Variants in ITFG1 observed in about 807,000 individuals in gnomAD.
ITFG1 encodes the protein integrin alpha FG-GAP repeat containing 1, also known as T-cell immunomodulatory protein.
In ITFG1, 34 loss-of-function variants were observed where a neutral mutation model predicts 81.8. That is an observed-to-expected ratio of 0.42 (90% CI 0.32 to 0.55). The LOEUF (loss-of-function observed/expected upper bound fraction) is 0.55, where lower values mean the gene tolerates loss of function less well. ITFG1 is among the 20% of genes least tolerant of loss of function. The pLI is 0.17. For synonymous variants in ITFG1, 285 were observed against 270.6 expected (o/e 1.05, Z -0.52); for missense variants, 672 against 755.4 (o/e 0.89, Z 1.29).
At chr16:47,307,093 CAAAAAAAAAAAAAA>C (rs371103697) in intron 10 of ITFG1, among the ~76,000 whole-genome samples, 19 of 16,470 alleles carry the variant, frequency 1.2e-3, no homozygotes, top group Admixed American at 0.01. Flanking sequence ...AACTCCGTCT[CAAAAAAAAAAAAAA>C]AAAAAAAAAA....
chr16:47,306,552 A>T (rs973273042), intron 10 of ITFG1, among the ~76,000 whole-genome samples: 2 of 152,154 alleles, frequency 1.3e-5, no homozygotes, highest in Non-Finnish European at 2.9e-5. Context: ...AAAATATATG[A>T]CCTGAAGTCA....
intron 14 of ITFG1, among the ~76,000 whole-genome samples, chr16:47,201,446 A>T (rs975357265): frequency 6.6e-6 from 1 of 152,006 alleles, no homozygotes; most frequent in Admixed American, 6.6e-5. Context: ...TGACCTCGTG[A>T]TCCTCCTGCC....
chr16:47,417,544 C>T (rs1233731522), intron 6 of ITFG1, among the ~76,000 whole-genome samples: 1 of 152,098 alleles, frequency 6.6e-6, no homozygotes, highest in East Asian at 1.9e-4. Flanking sequence ...TTTTTCATCT[C>T]CCACTCTACA....
intron 5 of ITFG1, among the ~76,000 whole-genome samples, chr16:47,432,182 A>G (rs973705556): frequency 1.3e-5 from 2 of 152,214 alleles, no homozygotes; most frequent in Non-Finnish European, 2.9e-5. Flanking sequence ...AGCATTTCCT[A>G]TTCTTCTCTA....
intron 6 of ITFG1, among the ~76,000 whole-genome samples, chr16:47,381,691 G>C (rs1968398171): frequency 6.6e-6 from 1 of 152,080 alleles, no homozygotes; most frequent in African/African-American, 2.4e-5. Flanking sequence ...TAACAATGTA[G>C]AATAAAAATA....
intron 8 of ITFG1, among the ~76,000 whole-genome samples, chr16:47,319,169 A>G (rs1039571805): frequency 6.6e-6 from 1 of 152,208 alleles, no homozygotes; most frequent in Non-Finnish European, 1.5e-5. Context: ...ATGTTGATAC[A>G]CTTCATTATA....
At chr16:47,419,476 T>C (rs1014589622) in intron 6 of ITFG1, among the ~76,000 whole-genome samples, 1 of 152,134 alleles carries the variant, frequency 6.6e-6, no homozygotes, top group Non-Finnish European at 1.5e-5. Context: ...TTTGCCATGT[T>C]GCCCAGGCTG....
intron 2 of ITFG1, among the ~76,000 whole-genome samples, chr16:47,457,929 A>G (rs1209286238): frequency 6.6e-6 from 1 of 152,162 alleles, no homozygotes; most frequent in Non-Finnish European, 1.5e-5. Flanking sequence ...TCCATTTATA[A>G]CTTTCCCCTC....
chr16:47,260,720 C>T (rs1426688019), intron 10 of ITFG1, 25 bp from the exon 11 acceptor site: 5 of 1,613,154 alleles, frequency 3.1e-6, no homozygotes, highest in African/African-American at 2.7e-5. Flanking sequence ...AAAGGCATTT[C>T]GTTAATATAA....
At chr16:47,317,847 C>T (rs562498417) in intron 8 of ITFG1, 16 of 152,260 alleles carry the variant, frequency 1.1e-4, no homozygotes, top group African/African-American at 3.1e-4. Context: ...CTCTGTATCC[C>T]TTCCTTTTGA....
At chr16:47,351,420 GACAA>G (rs1377988348) in intron 8 of ITFG1, among the ~76,000 whole-genome samples, 3 of 152,108 alleles carry the variant, frequency 2.0e-5, no homozygotes, top group Non-Finnish European at 2.9e-5. Context: ...ACCAAAAACA[GACAA>G]ACAGAGAGTC....
intron 5 of ITFG1, among the ~76,000 whole-genome samples, chr16:47,434,815 T>C (rs1969144296): frequency 6.6e-6 from 1 of 152,140 alleles, no homozygotes; most frequent in South Asian, 2.1e-4. Flanking sequence ...GGTACATGTA[T>C]ACACCATGGA....
intron 6 of ITFG1, among the ~76,000 whole-genome samples, chr16:47,416,396 T>C (rs1212811250): frequency 1.3e-5 from 2 of 152,202 alleles, no homozygotes; most frequent in Non-Finnish European, 2.9e-5. Context: ...CATACATTAC[T>C]TGTTTTTTCT....
chr16:47,263,352 T>A, intron 10 of ITFG1: 1 of 479,286 alleles, frequency 2.1e-6, no homozygotes, highest in East Asian at 6.5e-5. Flanking sequence ...GCCCATGAGG[T>A]AAGCTACCAA....
chr16:47,227,049 A>G (rs986041372), intron 13 of ITFG1, among the ~76,000 whole-genome samples: 3 of 152,194 alleles, frequency 2.0e-5, no homozygotes, highest in African/African-American at 7.2e-5. Context: ...CTTCTACACC[A>G]TCTGTATAAT....
At chr16:47,445,469 A>AATGGG (rs1479426971) in intron 5 of ITFG1, among the ~76,000 whole-genome samples, 3 of 152,160 alleles carry the variant, frequency 2.0e-5, no homozygotes, top group Non-Finnish European at 4.4e-5. Context: ...ACATGCTTAA[A>AATGGG]ATGATCTGTA....
At chr16:47,292,656 C>T (rs1260374805) in intron 10 of ITFG1, among the ~76,000 whole-genome samples, 2 of 152,080 alleles carry the variant, frequency 1.3e-5, no homozygotes, top group Non-Finnish European at 1.5e-5. Flanking sequence ...CCCTCAACCC[C>T]CCTCACCCTC....
intron 8 of ITFG1, among the ~76,000 whole-genome samples, chr16:47,316,906 G>A (rs1967368900): frequency 6.6e-6 from 1 of 152,188 alleles, no homozygotes; most frequent in African/African-American, 2.4e-5. Context: ...GCTAGCCTGT[G>A]AACTTGGCAC....
chr16:47,392,494 A>G (rs1191745045), intron 6 of ITFG1, among the ~76,000 whole-genome samples: 2 of 152,212 alleles, frequency 1.3e-5, no homozygotes, highest in African/African-American at 4.8e-5. Context: ...CAGGCTGTGC[A>G]GAACCCTGTG....
Sources: gnomAD v4.1 joint callset for allele counts (sites outside exome capture counted in the v4.1 genomes callset) on GRCh38, gnomAD v4.1.1 for gene constraint, MANE v1.5 for transcripts, NCBI Gene and HGNC (gene_info 2026-07-23, HGNC 2026-07-21) for gene names.